The following WDR87 variants were observed in gnomAD, a reference collection of about 807,000 sequenced individuals.
WDR87 encodes the protein WD repeat domain 87, also known as WD repeat-containing protein 87.
Under a neutral mutation model 83.3 loss-of-function variants are expected in WDR87, and 56 were observed. That is an observed-to-expected ratio of 0.67 (90% confidence interval 0.54 to 0.84). WDR87 has a LOEUF of 0.84. Ranked by LOEUF, WDR87 falls within the 40% of genes least tolerant of loss-of-function variation. WDR87 has a pLI of 0.00. For missense variants in WDR87, 2,939 were observed against 3,431.9 expected (o/e 0.86, Z 3.59); for synonymous variants, 1,173 against 1,250.6 (o/e 0.94, Z 1.31).
chr19:37,905,562 A>AT, intron 1 of WDR87, among the ~76,000 whole-genome samples: 1 of 132,312 alleles, frequency 7.6e-6, no homozygotes, highest in East Asian at 3.1e-4. Flanking sequence ...ACACATATAT[A>AT]ATTTTTTTTT....
At position 37,894,263 on chromosome 19, in the gene WDR87, C is replaced by T; in HGVS notation, c.1440G>A (p.Gly480=). The change falls in exon 4 of 6, where the codon GGG becomes GGA. Residue 480 remains glycine (G), a synonymous_variant. Transcript: ENST00000447313. ...GCACTCTTATCACACCACTCTGGTG[C>T]CCAGAGAATATCAGTCCCTCTAGAC... ...GRGLEGLIFS[G]HQSGVIRVLS... 2.6e-6 allele frequency: 4 copies of T among 1,551,800 alleles called. No homozygotes were observed. The highest frequency in any genetic ancestry group is 3.5e-6 in the Non-Finnish European group (4 of 1,147,018).
Position 37,892,973 on chromosome 19 carries a change from T to C in WDR87, c.2730A>G (p.Gly910=). 6.4e-7 allele frequency: 1 copy of C among 1,551,948 alleles called. No homozygotes were observed. The highest frequency in any genetic ancestry group is 8.7e-7 in the Non-Finnish European group (1 of 1,147,064). Residue 910 remains glycine, a synonymous_variant, in exon 4 of 6, where the codon GGA becomes GGG. Transcript: ENST00000447313. Reference sequence around the variant, plus strand: ...TAATGGTTATTTCACTCATCTTTCTTCCCAGCCAACTTCGGTTTGCTCCAT... The same window carrying C: ...TAATGGTTATTTCACTCATCTTTCTCCCCAGCCAACTTCGGTTTGCTCCAT... The part of the protein sequence containing the change: ...LTDGANRSWL[G]RKMSEITINS...
Position 37,891,753 on chromosome 19 carries a change from G to A in WDR87, c.3193C>T (p.Leu1065Phe), listed in dbSNP as rs761669432. 36 of 1,552,114 alleles carry A rather than the reference G, an allele frequency of 2.3e-5. No individual in the cohort carries two copies. Among genetic ancestry groups the A allele is most frequent in the Non-Finnish European group, 2.5e-5 (29 of 1,147,134 alleles). ...AATCTCTGCTCCACTTGAGTGGAAA[G>A]GATTTGGAGATCTGTGGCCCGCATC... ...LGMRATDLQI[L>F]STQVEQRLNE... Residue 1065 changes from leucine to phenylalanine, a missense_variant, in exon 5 of 6, where the codon CTT becomes TTT. By Grantham distance (22) the Leu-to-Phe change is conservative. Transcript: ENST00000447313.
Position 37,895,422 on chromosome 19 carries a change from A to G in WDR87, c.281T>C (p.Met94Thr). Residue 94 changes from methionine (M) to threonine (T), a missense_variant, in exon 4 of 6, where the codon ATG becomes ACG. Met to Thr is a moderately conservative substitution (Grantham distance 81). Around this residue, in one of 3 missense-constraint regions of WDR87, gnomAD observed 226 missense variants for 320.9 expected, o/e 0.70. Transcript: ENST00000447313. Reference protein sequence around the residue: ...VAWMKSKTEDMVEKRTFSMTE... With the variant: ...VAWMKSKTEDTVEKRTFSMTE... ...CATGGAGAATGTTCTTTTCTCAACC[A>G]TGTCCTCAGTTTTGCTCTTCATCCA... 1 of 1,551,606 alleles carries G rather than the reference A, an allele frequency of 6.4e-7. No homozygotes were observed. Among genetic ancestry groups the G allele is most frequent in the Non-Finnish European group, 8.7e-7 (1 of 1,146,990 alleles).
Position 37,889,919 on chromosome 19 carries a change from TC to T in WDR87, c.3751del (p.Glu1251AsnfsTer41). On this transcript the variant is annotated frameshift_variant, in exon 6 of 6. Coordinates refer to ENST00000447313, the MANE Select transcript of WDR87 (RefSeq NM_001291088.2). LOFTEE classifies it low-confidence loss of function (END_TRUNC). Reference sequence around the variant, plus strand: ...TTTAACCTTTTTAGTAACTGGCTGTTCCATTACAGGAGGTGTAGTTTCCTCA... The same window carrying T: ...TTTAACCTTTTTAGTAACTGGCTGTTCATTACAGGAGGTGTAGTTTCCTCA... ...INEETTPPVM[E>X]QPVTKKVKIQ... 6.4e-7 allele frequency: 1 copy of T among 1,551,618 alleles called. No individual in the cohort carries two copies.
At chr19:37,890,873 C>T (rs995695251) in intron 5 of WDR87, among the ~76,000 whole-genome samples, 1 of 152,152 alleles carries the variant, frequency 6.6e-6, no homozygotes, top group East Asian at 1.9e-4. Context: ...CATGTTGTTG[C>T]ATGTATCACT....
At chr19:37,904,361 C>CTTT (rs754911976) in intron 1 of WDR87, among the ~76,000 whole-genome samples, 1 of 130,496 alleles carries the variant, frequency 7.7e-6, no homozygotes, top group South Asian at 2.5e-4. Flanking sequence ...TGTGTGTGTG[C>CTTT]TTTTTTTTTT....
In WDR87 at chr19:37,888,052, G is replaced by A. The variant is rs1228612365; in HGVS notation, c.5619C>T (p.Tyr1873=). 1.3e-6 allele frequency: 2 copies of A among 1,551,286 alleles called. No homozygotes were observed. The highest frequency in any genetic ancestry group is 2.7e-5 in the African/African-American group (2 of 72,894). ...EELTKNKMIL[Y]QKKNLAQEKK... is the part of the protein sequence containing the mutation. ...TTTCCTGAGCCAGATTCTTCTTCTG[G>A]TACAGTATCATCTTGTTCTTTGTGA... Residue 1873 remains tyrosine, a synonymous_variant, in exon 6 of 6, where the codon TAC becomes TAT. Coordinates refer to ENST00000447313, the MANE Select transcript of WDR87 (RefSeq NM_001291088.2).
rs1391549275 is a variant in WDR87, at chr19:37,893,640, A to C, written c.2063T>G (p.Phe688Cys). The stretch of plus-strand genomic sequence containing the variant: ...CAGTACTTCATCTGATATGCTCATA[A>C]AGGAAAGGCGAGTCAGCAGGGCTGG... ...LPPALLTRLS[F>C]MSISDEVLEV... The change falls in exon 4 of 6, where the codon TTT becomes TGT. Residue 688 changes from phenylalanine (F) to cysteine (C), a missense_variant. Physicochemically the swap from Phe to Cys is radical, Grantham distance 205. Around this residue, in one of 3 missense-constraint regions of WDR87, gnomAD observed 553 missense variants for 577.9 expected, o/e 0.96. Coordinates refer to ENST00000447313, the MANE Select transcript of WDR87 (RefSeq NM_001291088.2). The C allele has an allele frequency of 1.3e-6, 2 of 1,551,576 alleles. No homozygotes were observed. Among genetic ancestry groups the C allele is most frequent in the African/African-American group, 2.7e-5 (2 of 73,038 alleles).
At position 37,887,908 on chromosome 19, in the gene WDR87, T is replaced by C. The variant is rs186926332; in HGVS notation, c.5763A>G (p.Gly1921=). ...KQLVQVKNKL[G]MFNKILAQVE... is the part of the protein sequence containing the mutation. ...CCTGAGCCAGTATCTTGTTGAACATTCCCAATTTGTTCTTTACTTGCACTA... is the reference window on the plus strand; with the variant it reads ...CCTGAGCCAGTATCTTGTTGAACATCCCCAATTTGTTCTTTACTTGCACTA... Residue 1921 remains glycine (G), a synonymous_variant, in exon 6 of 6, where the codon GGA becomes GGG. Transcript: ENST00000447313. 1,008 of 1,551,704 alleles carry C rather than the reference T, an allele frequency of 6.5e-4. 5 individuals carry two copies. In the African/African-American group the frequency reaches 0.013, roughly 20 times the overall value.
At position 37,892,601 on chromosome 19, in the gene WDR87, T is replaced by C. The variant is rs901690621; in HGVS notation, c.3102A>G (p.Lys1034=). The C allele has an allele frequency of 4.0e-6, 6 of 1,496,720 alleles. No homozygotes were observed. Among genetic ancestry groups the C allele is most frequent in the Non-Finnish European group, 5.4e-6 (6 of 1,116,832 alleles). The allele number at this position is 1,496,720 out of a possible 1,614,324, so 92.7% of individuals were successfully genotyped here. A position where few individuals can be genotyped will look rare whatever the true frequency, so the allele number is the denominator to read the frequency against. The change falls in exon 4 of 6, where the codon AAA becomes AAG. Residue 1034 remains lysine (K), a synonymous_variant. Transcript: ENST00000447313. The part of the protein sequence containing the change: ...SRTSLLQLTQ[K]QETFREMQQQ... ...ACTGCATCTCCCGAAAAGTCTCTTG[T>C]TTTTGGGTCAGCTGTAAGAGTGAGG...
chr19:37,896,056 C>T, intron 3 of WDR87, 82 bp downstream of exon 3: 1 of 1,494,194 alleles, frequency 6.7e-7, no homozygotes, highest in Non-Finnish European at 9.0e-7. Flanking sequence ...GGGGAATATC[C>T]TCCTTTGTCA....
In WDR87 at chr19:37,885,054, G is replaced by T. The variant is rs191985830; in HGVS notation, c.8617C>A (p.Arg2873Ser). Reference sequence around the variant, plus strand: ...GCAATGCCCACGGGAAGGATGGTGCGCACACAGTTCTGCCATGGGAGGGGT... The same window carrying T: ...GCAATGCCCACGGGAAGGATGGTGCTCACACAGTTCTGCCATGGGAGGGGT... ...AVPLPWQNCV[R>S]TILPVGIARY... Residue 2873 changes from arginine to serine, a missense_variant, in exon 6 of 6, where the codon CGC (arginine) becomes AGC (serine). This residue lies in a region of WDR87 where 2,160 missense variants were observed against 2,533.1 expected (regional missense o/e 0.85). Transcript: ENST00000447313. 3.9e-5 allele frequency: 57 copies of T among 1,468,442 alleles called. No homozygotes were observed. The East Asian group carries it at 1.1e-3, about 28-fold the overall frequency. The allele number at this position is 1,468,442 out of a possible 1,614,324, so 91.0% of individuals were successfully genotyped here. A position where few individuals can be genotyped will look rare whatever the true frequency, so the allele number is the denominator to read the frequency against.
Position 37,885,869 on chromosome 19 carries a change from A to G in WDR87, c.7802T>C (p.Leu2601Ser), listed in dbSNP as rs779931233. ...LLKDLASKGNLEWLHLAKHEA... is the reference protein window; with the variant it reads ...LLKDLASKGNSEWLHLAKHEA... ...ATGTTTGGCCAGATGCAGCCATTCT[A>G]AGTTTCCCTTTGAGGCAAGGTCTTT... The change falls in exon 6 of 6, where the codon TTA becomes TCA. Residue 2601 changes from leucine (L) to serine (S), a missense_variant. Transcript: ENST00000447313. The G allele has an allele frequency of 2.0e-5, 31 of 1,552,040 alleles. No individual in the cohort carries two copies. Among genetic ancestry groups the G allele is most frequent in the African/African-American group, 4.1e-5 (3 of 73,024 alleles).
Position 37,888,326 on chromosome 19 carries a change from A to G in WDR87, c.5345T>C (p.Val1782Ala), listed in dbSNP as rs2046170070. ...CTCAGCCAGTTTCTTCTTTTCCTCA[A>G]CCAGTTTCCCCTCTTCCTGATTCAG... ...EELNQEEGKLVEEKKKLAEEE... is the reference protein window; with the variant it reads ...EELNQEEGKLAEEKKKLAEEE... The change falls in exon 6 of 6, where the codon GTT becomes GCT. Residue 1782 changes from valine to alanine, a missense_variant. Val to Ala is a moderately conservative substitution (Grantham distance 64, BLOSUM62 0). Coordinates refer to ENST00000447313, the MANE Select transcript of WDR87 (RefSeq NM_001291088.2). 3 of 1,550,776 alleles carry G rather than the reference A, an allele frequency of 1.9e-6. No homozygotes were observed. The highest frequency in any genetic ancestry group is 1.7e-6 in the Non-Finnish European group (2 of 1,146,804).
chr19:37,885,596 T>C lies in WDR87; in HGVS notation c.8075A>G (p.Gln2692Arg). The C allele has an allele frequency of 6.4e-7, 1 of 1,551,788 alleles. No homozygotes were observed. The highest frequency in any genetic ancestry group is 8.7e-7 in the Non-Finnish European group (1 of 1,147,010). ...CATCTCCTTGTGAGCAATGGATATC[T>C]GCTGTGCCCTCTCACTTCTGTAAGG... is the stretch of plus-strand genomic sequence containing the variant. ...GEPYRSERAQ[Q>R]ISIAHKEMEM... is the part of the protein sequence containing the mutation. The change falls in exon 6 of 6, where the codon CAG becomes CGG. Residue 2692 changes from glutamine to arginine, a missense_variant. By Grantham distance (43) the Gln-to-Arg change is conservative. This residue lies in a region of WDR87 where 2,160 missense variants were observed against 2,533.1 expected (regional missense o/e 0.85). Coordinates refer to ENST00000447313, the MANE Select transcript of WDR87 (RefSeq NM_001291088.2).
intron 1 of WDR87, among the ~76,000 whole-genome samples, chr19:37,902,204 T>TTATTTC (rs2046297817): frequency 6.6e-6 from 1 of 151,932 alleles, no homozygotes; most frequent in Non-Finnish European, 1.5e-5. Context: ...TTAATATCTT[T>TTATTTC]TATTTCTTTT....
At position 37,906,573 on chromosome 19, in the gene WDR87, A is replaced by G. The variant is rs10404567; in HGVS notation, c.-121T>C. On this transcript the variant is annotated 5_prime_UTR_variant, in exon 1 of 6. Coordinates refer to ENST00000447313, the MANE Select transcript of WDR87 (RefSeq NM_001291088.2). ...GCTCCTAGAGCTAGGGGCAGCAACTAAGAAGCTACCTGGCGGATGTTGCGA... is the reference window on the plus strand; with the variant it reads ...GCTCCTAGAGCTAGGGGCAGCAACTGAGAAGCTACCTGGCGGATGTTGCGA... 42,586 of 151,900 alleles carry G rather than the reference A, an allele frequency of 0.28. 7,004 individuals carry two copies. The highest frequency in any genetic ancestry group is 0.6 in the East Asian group (3,054 of 5,104). 9.4% of individuals were successfully genotyped at this position (151,900 alleles called of 1,614,324 possible). A position where few individuals can be genotyped will look rare whatever the true frequency, so the allele number is the denominator to read the frequency against.
intron 1 of WDR87, among the ~76,000 whole-genome samples, chr19:37,904,025 C>T (rs2046308057): frequency 6.6e-6 from 1 of 151,954 alleles, no homozygotes; most frequent in African/African-American, 2.4e-5. Context: ...TTTCCTGCCT[C>T]AGCCTCCCGA....
Sources: gnomAD v4.1 joint callset for allele counts (sites outside exome capture counted in the v4.1 genomes callset) on GRCh38, gnomAD v4.1.1 for gene constraint, gnomAD v4.1.1 regional missense constraint, MANE v1.5 for transcripts, NCBI Gene and HGNC (gene_info 2026-07-23, HGNC 2026-07-21) for gene names.